The following RAB2A variants were observed in gnomAD, a reference collection of about 807,000 sequenced individuals.
RAB2A encodes the protein ras-related protein Rab-2A.
A neutral mutation model predicts 32.5 loss-of-function variants in RAB2A; 7 were observed. That is an observed-to-expected ratio of 0.22 (90% CI 0.12 to 0.40). RAB2A has a LOEUF of 0.40. RAB2A is among the 10% of genes least tolerant of loss of function. The pLI is 1.00. For synonymous variants in RAB2A, 79 were observed against 85.2 expected, an observed-to-expected ratio of 0.93 and a Z score of 0.40; for missense variants, 108 against 260.7, an observed-to-expected ratio of 0.41 and a Z score of 4.03.
intron 1 of RAB2A, among the ~76,000 whole-genome samples, chr8:60,556,461 TAA>T (rs1807939828): frequency 7.1e-6 from 1 of 141,202 alleles, no homozygotes; most frequent in East Asian, 1.9e-4. Context: ...ATCACTCTTA[TAA>T]ATAAGTACAA....
At chr8:60,557,805 C>T (rs1321963961) in intron 1 of RAB2A, among the ~76,000 whole-genome samples, 2 of 152,026 alleles carry the variant, frequency 1.3e-5, no homozygotes, top group Non-Finnish European at 2.9e-5. Context: ...CTCCTGGGCT[C>T]AAGGCCTACC....
chr8:60,597,450 G>A (rs558588271), intron 6 of RAB2A, among the ~76,000 whole-genome samples: 5 of 152,034 alleles, frequency 3.3e-5, no homozygotes, highest in Non-Finnish European at 7.4e-5. Flanking sequence ...TTGGGGGGTG[G>A]GGGCCTAGGG....
At chr8:60,613,416 T>C (rs1804395354) in intron 6 of RAB2A, among the ~76,000 whole-genome samples, 1 of 152,238 alleles carries the variant, frequency 6.6e-6, no homozygotes, top group African/African-American at 2.4e-5. Flanking sequence ...GCTACATTTA[T>C]CTTTCCTTTA....
At chr8:60,546,029 T>C (rs147438420) in intron 1 of RAB2A, among the ~76,000 whole-genome samples, 1 of 152,342 alleles carries the variant, frequency 6.6e-6, no homozygotes, top group African/African-American at 2.4e-5. Flanking sequence ...TGTTTATAAA[T>C]GTTGTAAAAA....
chr8:60,554,955 G>A (rs540761112), intron 1 of RAB2A, among the ~76,000 whole-genome samples: 2 of 152,324 alleles, frequency 1.3e-5, no homozygotes, highest in South Asian at 4.1e-4. Context: ...TGTTGAGGAA[G>A]ACCTCCAGTA....
At chr8:60,527,505 G>T (rs917470559) in intron 1 of RAB2A, among the ~76,000 whole-genome samples, 1 of 152,178 alleles carries the variant, frequency 6.6e-6, no homozygotes, top group African/African-American at 2.4e-5. Flanking sequence ...GGACAATGGA[G>T]GAAGGGCCAT....
At chr8:60,574,182 GC>G (rs1808236205) in intron 3 of RAB2A, among the ~76,000 whole-genome samples, 1 of 152,146 alleles carries the variant, frequency 6.6e-6, no homozygotes, top group Non-Finnish European at 1.5e-5. Context: ...CTTTGGTGAA[GC>G]CTTTTTGACC....
chr8:60,537,147 C>T (rs1241095889), intron 1 of RAB2A, among the ~76,000 whole-genome samples: 2 of 152,140 alleles, frequency 1.3e-5, no homozygotes, highest in African/African-American at 4.8e-5. Context: ...ATCTAGGATT[C>T]ATGTGTGTAA....
chr8:60,605,527 G>C (rs1441400478), intron 6 of RAB2A, among the ~76,000 whole-genome samples: 1 of 152,176 alleles, frequency 6.6e-6, no homozygotes, highest in Non-Finnish European at 1.5e-5. Context: ...GCCAGCCAGT[G>C]AGAGCAGTGG....
intron 1 of RAB2A, among the ~76,000 whole-genome samples, chr8:60,557,848 G>C: frequency 6.6e-6 from 1 of 152,096 alleles, no homozygotes; most frequent in East Asian, 1.9e-4. Flanking sequence ...TTACAGGCTT[G>C]AGCCACAGCA....
At chr8:60,595,941 A>G (rs1360488772) in intron 6 of RAB2A, among the ~76,000 whole-genome samples, 1 of 152,258 alleles carries the variant, frequency 6.6e-6, no homozygotes, top group East Asian at 1.9e-4. Context: ...AGGAAAATCT[A>G]CAAATACTTG....
intron 1 of RAB2A, among the ~76,000 whole-genome samples, chr8:60,533,984 C>G (rs1807519545): frequency 6.6e-6 from 1 of 151,794 alleles, no homozygotes; most frequent in Admixed American, 6.6e-5. Context: ...AAAACAATAG[C>G]AACAACAACA....
At chr8:60,548,774 C>A (rs1328106738) in intron 1 of RAB2A, among the ~76,000 whole-genome samples, 1 of 137,792 alleles carries the variant, frequency 7.3e-6, no homozygotes, top group Non-Finnish European at 1.6e-5. Flanking sequence ...GGGGGCTGAT[C>A]CCCCCACCTC....
chr8:60,595,362 A>C (rs1177189950), intron 6 of RAB2A, among the ~76,000 whole-genome samples: 1 of 152,238 alleles, frequency 6.6e-6, no homozygotes, highest in Non-Finnish European at 1.5e-5. Flanking sequence ...GGAGAAGGAA[A>C]ATAGAAAACA....
intron 3 of RAB2A, among the ~76,000 whole-genome samples, chr8:60,583,247 G>T (rs944149148): frequency 6.6e-6 from 1 of 152,096 alleles, no homozygotes; most frequent in South Asian, 2.1e-4. Flanking sequence ...TATAAAAATC[G>T]TTAAAATTGG....
At chr8:60,577,132 A>G (rs1803647529) in intron 3 of RAB2A, among the ~76,000 whole-genome samples, 1 of 149,536 alleles carries the variant, frequency 6.7e-6, no homozygotes, top group Admixed American at 6.7e-5. Context: ...CACAGCCTCC[A>G]CCTCCCAGGC....
intron 1 of RAB2A, among the ~76,000 whole-genome samples, chr8:60,553,232 T>G (rs1416061869): frequency 6.6e-6 from 1 of 152,236 alleles, no homozygotes; most frequent in Non-Finnish European, 1.5e-5. Flanking sequence ...TTTTGGGGGC[T>G]GGACAAGCAA....
chr8:60,587,106 T>G (rs560203201), intron 5 of RAB2A, among the ~76,000 whole-genome samples: 23 of 152,288 alleles, frequency 1.5e-4, no homozygotes, highest in African/African-American at 5.5e-4. Context: ...GAATTTACTA[T>G]TCTACAAATT....
At chr8:60,527,685 C>T (rs971619143) in intron 1 of RAB2A, among the ~76,000 whole-genome samples, 1 of 152,084 alleles carries the variant, frequency 6.6e-6, no homozygotes, top group Admixed American at 6.5e-5. Flanking sequence ...TTAGCACTAA[C>T]CAGTGCAAAA....
Sources: gnomAD v4.1 joint callset for allele counts (sites outside exome capture counted in the v4.1 genomes callset) on GRCh38, gnomAD v4.1.1 for gene constraint, MANE v1.5 for transcripts, NCBI Gene and HGNC (gene_info 2026-07-23, HGNC 2026-07-21) for gene names.